Variants in SH2D2A observed in about 807,000 individuals in gnomAD.
The protein encoded by SH2D2A is SH2 domain-containing protein 2A.
A neutral mutation model predicts 43.6 loss-of-function variants in SH2D2A; 33 were observed. The ratio of observed to expected loss-of-function variants is 0.76; its 90% CI spans 0.57 to 1.01. The LOEUF is 1.01. Among genes scored for constraint, SH2D2A ranks in the 50% least tolerant of loss-of-function variants. The pLI, the probability that SH2D2A is intolerant of heterozygous loss-of-function variation, is 0.00. For synonymous variants in SH2D2A, 212 were observed against 206.1 expected, an observed-to-expected ratio of 1.03 and a Z score of -0.25; for missense variants, 491 against 503.1, an observed-to-expected ratio of 0.98 and a Z score of 0.23.
Position 156,809,834 on chromosome 1 carries a change from C to T in SH2D2A, c.568-27G>A. On this transcript the variant is annotated intron_variant, in intron 5 of 8. Coordinates refer to ENST00000368199, the MANE Select transcript of SH2D2A (RefSeq NM_003975.4). The surrounding 1 kb of genome is among the most constrained non-coding windows in gnomAD (Gnocchi z 4.8). ...TGCTGGGAAAGAAGGAGGTCTGAGG[C>T]ACTCGGTGGAGCGTTGGGGTGGGGG... The T allele has an allele frequency of 6.2e-7, 1 of 1,612,270 alleles. No homozygotes were observed. Among genetic ancestry groups the T allele is most frequent in the South Asian group, 1.1e-5 (1 of 90,926 alleles).
chr1:156,813,840 G>T lies in SH2D2A; in HGVS notation c.567+8C>A. Reference sequence around the variant, plus strand: ...CTGGGCTCTCTGGTCAGGGTCTGGGGCGCGTACCTGTCGGGCGAGGGGCTC... The same window carrying T: ...CTGGGCTCTCTGGTCAGGGTCTGGGTCGCGTACCTGTCGGGCGAGGGGCTC... On this transcript the variant is annotated splice_region_variant and intron_variant, in intron 5 of 8. Coordinates refer to ENST00000368199, the MANE Select transcript of SH2D2A (RefSeq NM_003975.4). 6.8e-7 allele frequency: 1 copy of T among 1,469,410 alleles called. No individual in the cohort carries two copies. The highest frequency in any genetic ancestry group is 9.0e-7 in the Non-Finnish European group (1 of 1,109,382). The allele number at this position is 1,469,410 out of a possible 1,614,324, so 91.0% of individuals were successfully genotyped here.
rs1005514883 is a variant in SH2D2A at position 156,810,904 on chromosome 1, T to C, written c.568-1097A>G. On this transcript the variant is annotated intron_variant, in intron 5 of 8. Transcript: ENST00000368199. ...TGGTTCCGTCTCACAGAGGGTCTGC[T>C]TTTAGCTCCGTGTTAGCCCTTGGTC... 8.5e-5 allele frequency among the ~76,000 whole-genome samples: 13 copies of C among 152,320 alleles called. 2 individuals carry two copies. The South Asian group carries it at 2.7e-3, about 32-fold the overall frequency.
At position 156,816,809 on chromosome 1, in the gene SH2D2A, C is replaced by T. The variant is rs989692883; in HGVS notation, c.-101G>A. 27 of 1,156,390 alleles carry T rather than the reference C, an allele frequency of 2.3e-5. No homozygotes were observed. The highest frequency in any genetic ancestry group is 5.8e-5 in the Admixed American group (2 of 34,590). The allele number at this position is 1,156,390 out of a possible 1,614,324, so 71.6% of individuals were successfully genotyped here. A position where few individuals can be genotyped will look rare whatever the true frequency, so the allele number is the denominator to read the frequency against. On this transcript the variant is annotated 5_prime_UTR_variant, in exon 1 of 9. Coordinates refer to ENST00000368199, the MANE Select transcript of SH2D2A (RefSeq NM_003975.4). ...ATCATCTCTCCTCTCACCCTGGCCC[C>T]GGGGGCAGGAAATGTCGCCTTACCC...
chr1:156,809,621 G>C lies in SH2D2A; in HGVS notation c.714+40C>G, dbSNP rs1327520792. On this transcript the variant is annotated intron_variant, in intron 6 of 8. Transcript: ENST00000368199. The surrounding 1 kb of genome is among the most constrained non-coding windows in gnomAD (Gnocchi z 4.8). ...TCCCCGCTGCCTGCACCCCCTCGCAGGCCTGTCCTCCCACTCCCTCAGCCC... is the reference window on the plus strand; with the variant it reads ...TCCCCGCTGCCTGCACCCCCTCGCACGCCTGTCCTCCCACTCCCTCAGCCC... 2.0e-5 allele frequency: 31 copies of C among 1,585,584 alleles called. No homozygotes were observed. The highest frequency in any genetic ancestry group is 2.2e-5 in the Non-Finnish European group (26 of 1,167,138).
At position 156,816,198 on chromosome 1, in the gene SH2D2A, A is replaced by G; in HGVS notation, c.35-104T>C. 3.4e-6 allele frequency: 5 copies of G among 1,465,500 alleles called. No individual in the cohort carries two copies. The East Asian group carries it at 9.8e-5, about 29-fold the overall frequency. The allele number at this position is 1,465,500 out of a possible 1,614,324, so 90.8% of individuals were successfully genotyped here. ...CTCAGGGGATCTGGAGGGCTGGGAC[A>G]GTCTTAACGACAGGAAAAACGCAGA... On this transcript the variant is annotated intron_variant, in intron 1 of 8. Transcript: ENST00000368199.
Position 156,816,104 on chromosome 1 carries a change from C to T in SH2D2A, c.35-10G>A. 7 of 1,609,730 alleles carry T rather than the reference C, an allele frequency of 4.3e-6. No individual in the cohort carries two copies. Among genetic ancestry groups the T allele is most frequent in the Non-Finnish European group, 5.9e-6 (7 of 1,177,978 alleles). ...GGGGCTTCGTGACTCCCTGTGAGCA[C>T]AAAGAGGGCTGCCGGGGTTTCTCAG... On this transcript the variant is annotated splice_polypyrimidine_tract_variant and intron_variant, in intron 1 of 8. Transcript: ENST00000368199.
chr1:156,809,429 A>G lies in SH2D2A; in HGVS notation c.776T>C (p.Val259Ala). 6.2e-7 allele frequency: 1 copy of G among 1,613,168 alleles called. No individual in the cohort carries two copies. Among genetic ancestry groups the G allele is most frequent in the Non-Finnish European group, 8.5e-7 (1 of 1,179,848 alleles). Reference sequence around the variant, plus strand: ...GTGTCGTGGAACAGGGATTGTGTAGACTTCTGGGGGCAGCTGAGGTTTGGC... The same window carrying G: ...GTGTCGTGGAACAGGGATTGTGTAGGCTTCTGGGGGCAGCTGAGGTTTGGC... ...IPAKPQLPPE[V>A]YTIPVPRHRP... is the part of the protein sequence containing the mutation. Residue 259 changes from valine (V) to alanine (A), a missense_variant, in exon 7 of 9, where the codon GTC (valine) becomes GCC (alanine). Physicochemically the swap from Val to Ala is moderately conservative, Grantham distance 64. Transcript: ENST00000368199. The surrounding 1 kb of genome is among the most constrained non-coding windows in gnomAD (Gnocchi z 4.8).
At chr1:156,815,932 G>T (rs1653866716) in intron 2 of SH2D2A, 74 bp downstream of exon 2, 2 of 1,608,632 alleles carry the variant, frequency 1.2e-6, no homozygotes, top group Non-Finnish European at 8.5e-7. Context: ...TTGTCCATCT[G>T]CAAGTCCTTC....
intron 3 of SH2D2A, 52 bp downstream of exon 3, chr1:156,814,985 C>T (rs1194738675): frequency 1.3e-5 from 19 of 1,419,370 alleles, no homozygotes; most frequent in Middle Eastern, 2.7e-4. Flanking sequence ...AGGACCCAGA[C>T]CCAGGACTTG....
chr1:156,814,751 A>G (rs773558542), intron 3 of SH2D2A: 71 of 419,776 alleles, frequency 1.7e-4, no homozygotes, highest in Non-Finnish European at 2.8e-4. Context: ...AGAGAGGTGG[A>G]AAATACCAGC....
At position 156,815,549 on chromosome 1, in the gene SH2D2A, G is replaced by C. The variant is rs554705812; in HGVS notation, c.124-328C>G. 5 of 607,860 alleles carry C rather than the reference G, an allele frequency of 8.2e-6. No homozygotes were observed. The Admixed American group carries it at 1.4e-4, about 17-fold the overall frequency. The allele number at this position is 607,860 out of a possible 1,614,324, so 37.7% of individuals were successfully genotyped here. A position where few individuals can be genotyped will look rare whatever the true frequency, so the allele number is the denominator to read the frequency against. On this transcript the variant is annotated intron_variant, in intron 2 of 8. Coordinates refer to ENST00000368199, the MANE Select transcript of SH2D2A (RefSeq NM_003975.4). ...GACAGAGTCATTCCCTGGCCTGGAGGATGAAGAAACATGATGCAGGAAGTC... is the reference window on the plus strand; with the variant it reads ...GACAGAGTCATTCCCTGGCCTGGAGCATGAAGAAACATGATGCAGGAAGTC...
chr1:156,814,916 G>A, intron 3 of SH2D2A, 121 bp downstream of exon 3: 17 of 800,472 alleles, frequency 2.1e-5, no homozygotes, highest in South Asian at 3.0e-5. Context: ...TGGAGTGGGC[G>A]CCTCCATCTA....
chr1:156,808,101 A>C (rs937075540), intron 7 of SH2D2A, among the ~76,000 whole-genome samples: 2 of 152,266 alleles, frequency 1.3e-5, no homozygotes, highest in South Asian at 2.1e-4. Context: ...GCAGTGAGCT[A>C]TGATTGTGCC....
At chr1:156,810,582 G>A (rs1441200626) in intron 5 of SH2D2A, among the ~76,000 whole-genome samples, 3 of 151,294 alleles carry the variant, frequency 2.0e-5, no homozygotes. Flanking sequence ...GTGCAGTGGC[G>A]CAATCTCGGC....
chr1:156,808,230 AGAGGGAGCTGTGCT>A (rs1653111808), intron 7 of SH2D2A, among the ~76,000 whole-genome samples: 1 of 152,104 alleles, frequency 6.6e-6, no homozygotes, highest in Non-Finnish European at 1.5e-5. Context: ...GGGGGAGTAA[AGAGGGAGCTGTGCT>A]GAGGGAGCCC....
Position 156,809,901 on chromosome 1 carries a change from T to TG in SH2D2A, c.568-95dup. Reference sequence around the variant, plus strand: ...AAAATAATCCAGTCTAAGTGGAGGATGGGGGAAGGGGGAGGAGCACAGAAA... The same window carrying TG: ...AAAATAATCCAGTCTAAGTGGAGGATGGGGGGAAGGGGGAGGAGCACAGAAA... On this transcript the variant is annotated intron_variant, in intron 5 of 8. Transcript: ENST00000368199. The surrounding 1 kb of genome is among the most constrained non-coding windows in gnomAD (Gnocchi z 4.8). 7.7e-7 allele frequency: 1 copy of TG among 1,293,680 alleles called. No individual in the cohort carries two copies. Among genetic ancestry groups the TG allele is most frequent in the Non-Finnish European group, 1.1e-6 (1 of 947,894 alleles). The allele number at this position is 1,293,680 out of a possible 1,614,324, so 80.1% of individuals were successfully genotyped here. A position where few individuals can be genotyped will look rare whatever the true frequency, so the allele number is the denominator to read the frequency against.
chr1:156,816,190 G>C, intron 1 of SH2D2A, 96 bp from the exon 2 acceptor site: 1 of 1,487,660 alleles, frequency 6.7e-7, no homozygotes, highest in Non-Finnish European at 8.9e-7. Context: ...GATCTGGAGG[G>C]CTGGGACAGT....
intron 5 of SH2D2A, among the ~76,000 whole-genome samples, chr1:156,810,796 C>G (rs1353170302): frequency 1.3e-5 from 2 of 152,192 alleles, no homozygotes; most frequent in Non-Finnish European, 2.9e-5. Flanking sequence ...GCTGGGATTA[C>G]AGGTGTGAGC....
Position 156,807,205 on chromosome 1 carries a change from T to G in SH2D2A, c.1143A>C (p.Ala381=), listed in dbSNP as rs974944919. 1.4e-6 allele frequency: 2 copies of G among 1,459,896 alleles called. No homozygotes were observed. The highest frequency in any genetic ancestry group is 1.1e-5 in the South Asian group (1 of 89,234). 90.4% of individuals were successfully genotyped at this position (1,459,896 alleles called of 1,614,324 possible). Residue 381 remains alanine (A), a synonymous_variant, in exon 8 of 9, where the codon GCA becomes GCC. Coordinates refer to ENST00000368199, the MANE Select transcript of SH2D2A (RefSeq NM_003975.4). The surrounding 1 kb of genome is among the most constrained non-coding windows in gnomAD (Gnocchi z 5.1). Reference sequence around the variant, plus strand: ...ACTGAGGAGGCCCAAGGGGAAGCCATGCCTGTCCTCTGTCCTGAAGCACCT... The same window carrying G: ...ACTGAGGAGGCCCAAGGGGAAGCCAGGCCTGTCCTCTGTCCTGAAGCACCT... ...SRQVLQDRGQ[A]WLPLGPPQ
Sources: allele counts gnomAD v4.1 joint callset (sites outside exome capture counted in the v4.1 genomes callset), GRCh38; gene constraint gnomAD v4.1.1; non-coding constraint Gnocchi (gnomAD v3.1); transcripts MANE v1.5; gene names NCBI Gene and HGNC (gene_info 2026-07-23, HGNC 2026-07-21).